Variants in CHODL observed in about 807,000 individuals in gnomAD.
The protein encoded by CHODL is chondrolectin, also known as transmembrane protein MT75.
In CHODL, 29 loss-of-function variants were observed where a neutral mutation model predicts 34.5. That is an observed-to-expected ratio of 0.84 (90% CI 0.63 to 1.15). CHODL has a LOEUF of 1.15. Among genes scored for constraint, CHODL ranks in the 50% most tolerant of loss-of-function variants. The pLI, the probability that CHODL is intolerant of heterozygous loss-of-function variation, is 0.00. For synonymous variants in CHODL, 125 were observed against 116.1 expected (o/e 1.08, Z -0.49); for missense variants, 332 against 332.5 (o/e 1.00, Z 0.01).
upstream of CHODL, among the ~76,000 whole-genome samples, chr21:18,241,856 G>C (rs556813520): frequency 6.6e-6 from 1 of 152,128 alleles, no homozygotes; most frequent in African/African-American, 2.4e-5. Context: ...TTCAGCGATC[G>C]ACTTATTCCT....
rs2074475871 is a variant in CHODL, at chr21:18,267,222, A to AG, written c.*1185dup. On this transcript the variant is annotated 3_prime_UTR_variant, in exon 6 of 6. Transcript: ENST00000299295. Reference sequence around the variant, plus strand: ...ATATTCATTGATGAGGGTTTGCTTGAGATAGAAAATGGTGGCTCCTTTCTG... The same window carrying AG: ...ATATTCATTGATGAGGGTTTGCTTGAGGATAGAAAATGGTGGCTCCTTTCTG... 1 of 99,036 alleles carries AG rather than the reference A, an allele frequency of 1.0e-5. No homozygotes were observed. Among genetic ancestry groups the AG allele is most frequent in the Admixed American group, 8.8e-5 (1 of 11,302 alleles). 6.1% of individuals were successfully genotyped at this position (99,036 alleles called of 1,614,324 possible).
intron 2 of CHODL, among the ~76,000 whole-genome samples, chr21:18,053,330 G>C (rs948339388): frequency 6.6e-6 from 1 of 151,908 alleles, no homozygotes; most frequent in South Asian, 2.1e-4. Flanking sequence ...CTAGCTTAAA[G>C]CACTATTTAT....
At chr21:18,054,038 A>G (rs1052265484) in intron 2 of CHODL, among the ~76,000 whole-genome samples, 1 of 151,900 alleles carries the variant, frequency 6.6e-6, no homozygotes, top group East Asian at 1.9e-4. Context: ...CTGTGATGCA[A>G]ATGTGTAGCT....
chr21:17,977,926 A>AAAAAAAAAG (rs2063679036), intron 1 of CHODL, among the ~76,000 whole-genome samples: 3 of 150,504 alleles, frequency 2.0e-5, no homozygotes, highest in Non-Finnish European at 4.4e-5. Flanking sequence ...CTCAAAAAAA[A>AAAAAAAAAG]AAAAAAAAGA....
chr21:17,978,921 GC>G (rs1310875333), intron 1 of CHODL, among the ~76,000 whole-genome samples: 2 of 151,950 alleles, frequency 1.3e-5, no homozygotes, highest in African/African-American at 2.4e-5. Context: ...GTTGCAATAG[GC>G]CCCTCTCTGT....
intron 1 of CHODL, among the ~76,000 whole-genome samples, chr21:18,251,380 T>TTTTA (rs2074234438): frequency 1.7e-5 from 2 of 116,310 alleles, no homozygotes; most frequent in South Asian, 4.8e-4. Context: ...AATAAATGTA[T>TTTTA]TTTATTTGTT....
chr21:18,110,587 A>ATACC (rs2065336335), intron 2 of CHODL, among the ~76,000 whole-genome samples: 1 of 62,504 alleles, frequency 1.6e-5, no homozygotes, highest in African/African-American at 4.0e-5. Context: ...CCTACAGCTG[A>ATACC]TGTCTGCCAG....
intron 2 of CHODL, among the ~76,000 whole-genome samples, chr21:18,180,673 G>C (rs1366756440): frequency 6.6e-6 from 1 of 152,186 alleles, no homozygotes; most frequent in African/African-American, 2.4e-5. Context: ...CCCAGTTGGT[G>C]CAAATAAATA....
intron 2 of CHODL, among the ~76,000 whole-genome samples, chr21:18,108,832 C>T (rs2065308319): frequency 7.7e-6 from 1 of 130,408 alleles, no homozygotes; most frequent in South Asian, 2.4e-4. Flanking sequence ...CTCTTCTTTG[C>T]AATGTTGTGT....
Position 18,136,114 on chromosome 21 carries a change from AAAAAG to A in CHODL, c.-45+108148_-45+108152del, listed in dbSNP as rs1332554773. Among the ~76,000 whole-genome samples, 4 of 146,630 alleles carry A rather than the reference AAAAAG, an allele frequency of 2.7e-5. 1 individual carries two copies. The highest frequency in any genetic ancestry group is 7.7e-5 in the African/African-American group (3 of 38,774). On this transcript the variant is annotated intron_variant, in intron 2 of 6. Transcript: ENST00000400127. ...GAGCAAGATTATGTCTCAAAAAAAA[AAAAAG>A]AAAAAGAAAAAAAAGAAAAAATGAA...
intron 2 of CHODL, among the ~76,000 whole-genome samples, chr21:18,063,706 C>A (rs977285032): frequency 6.6e-6 from 1 of 152,082 alleles, no homozygotes; most frequent in Non-Finnish European, 1.5e-5. Flanking sequence ...TCAAAGAATT[C>A]TTTTTTGTAT....
chr21:17,925,976 T>G (rs2063219096), intron 1 of CHODL, among the ~76,000 whole-genome samples: 1 of 152,222 alleles, frequency 6.6e-6, no homozygotes, highest in Non-Finnish European at 1.5e-5. Flanking sequence ...ATTTCAAAAC[T>G]TATTTTAATT....
chr21:18,197,269 A>G (rs1357495179), intron 2 of CHODL, among the ~76,000 whole-genome samples: 1 of 152,198 alleles, frequency 6.6e-6, no homozygotes, highest in Non-Finnish European at 1.5e-5. Flanking sequence ...ATGAAGGATA[A>G]TGTATGAAAC....
chr21:18,258,804 C>A (rs1290398591), intron 3 of CHODL, among the ~76,000 whole-genome samples: 1 of 151,876 alleles, frequency 6.6e-6, no homozygotes, highest in South Asian at 2.1e-4. Context: ...TTAGTTAACC[C>A]TCCTTGAGCT....
chr21:17,948,713 AG>A, intron 1 of CHODL, among the ~76,000 whole-genome samples: 1 of 152,298 alleles, frequency 6.6e-6, no homozygotes, highest in Middle Eastern at 3.4e-3. Context: ...ATGAAGAAAT[AG>A]GAAGTCTGAA....
chr21:18,096,195 C>A (rs975184526), intron 2 of CHODL, among the ~76,000 whole-genome samples: 1 of 152,176 alleles, frequency 6.6e-6, no homozygotes, highest in Non-Finnish European at 1.5e-5. Flanking sequence ...TGTCTTTAAT[C>A]TCTTAATCCT....
At chr21:17,984,709 A>G (rs1270076141) in intron 1 of CHODL, among the ~76,000 whole-genome samples, 4 of 152,108 alleles carry the variant, frequency 2.6e-5, no homozygotes, top group African/African-American at 9.7e-5. Flanking sequence ...TTTCCCCAGC[A>G]TAAATTTGTA....
At chr21:18,020,344 T>C (rs1048636399) in intron 1 of CHODL, among the ~76,000 whole-genome samples, 2 of 152,176 alleles carry the variant, frequency 1.3e-5, no homozygotes, top group Non-Finnish European at 1.5e-5. Flanking sequence ...GGTAAAAAGA[T>C]ACCTGTAAAA....
chr21:18,213,679 T>C (rs1386914479), intron 2 of CHODL, among the ~76,000 whole-genome samples: 1 of 151,950 alleles, frequency 6.6e-6, no homozygotes, highest in East Asian at 1.9e-4. Flanking sequence ...GAACTTGGGG[T>C]CATCTGATTG....
Sources: allele counts gnomAD v4.1 joint callset (sites outside exome capture counted in the v4.1 genomes callset), GRCh38; gene constraint gnomAD v4.1.1; transcripts MANE v1.5; gene names NCBI Gene and HGNC (gene_info 2026-07-23, HGNC 2026-07-21).